TENT4B: variants seen among roughly 807,000 people sequenced by gnomAD.
The protein encoded by TENT4B is PAP associated domain containing 5.
In TENT4B, 10 loss-of-function variants were observed where a neutral mutation model predicts 75.0. The ratio of observed to expected loss-of-function variants is 0.13; its 90% CI spans 0.08 to 0.23. The LOEUF is 0.23. TENT4B is among the 10% of genes least tolerant of loss of function. The pLI, the probability that TENT4B is intolerant of heterozygous loss-of-function variation, is 1.00. For synonymous variants in TENT4B, 350 were observed against 357.7 expected (o/e 0.98, Z 0.24); for missense variants, 579 against 893.8 (o/e 0.65, Z 4.49).
intron 1 of TENT4B, among the ~76,000 whole-genome samples, chr16:50,203,537 C>T (rs2030776815): frequency 6.6e-6 from 1 of 152,174 alleles, no homozygotes. Context: ...TCTTATCGAC[C>T]TATCTCTGTG....
intron 1 of TENT4B, among the ~76,000 whole-genome samples, chr16:50,170,165 G>A (rs1007814863): frequency 6.6e-5 from 10 of 151,752 alleles, no homozygotes; most frequent in African/African-American, 9.7e-5. Flanking sequence ...GATTACAGGC[G>A]CCTGCCACCA....
chr16:50,152,925 G>T (rs1199465880), upstream of TENT4B: 3 of 1,485,858 alleles, frequency 2.0e-6, no homozygotes, highest in Admixed American at 4.3e-5. Flanking sequence ...CCCACAACGC[G>T]CTCCCTGCGG....
At chr16:50,200,345 G>A (rs961690278) in intron 1 of TENT4B, among the ~76,000 whole-genome samples, 1 of 149,012 alleles carries the variant, frequency 6.7e-6, no homozygotes, top group African/African-American at 2.5e-5. Context: ...CTGCCTGGGT[G>A]ACAAAGCAAG....
intron 1 of TENT4B, among the ~76,000 whole-genome samples, chr16:50,196,466 A>G (rs2030249070): frequency 6.7e-6 from 1 of 150,304 alleles, no homozygotes; most frequent in African/African-American, 2.5e-5. Context: ...CCATATACTT[A>G]GAGTAGCTTT....
intron 1 of TENT4B, among the ~76,000 whole-genome samples, chr16:50,186,988 T>A (rs1374214474): frequency 6.6e-6 from 1 of 152,176 alleles, no homozygotes; most frequent in Admixed American, 6.5e-5. Context: ...CTTGAACTCC[T>A]GGCTTCAAGC....
Position 50,230,165 on chromosome 16 carries a change from A to T in TENT4B, c.*837A>T, listed in dbSNP as rs2032237236. On this transcript the variant is annotated 3_prime_UTR_variant, in exon 12 of 12. Transcript: ENST00000561678. ...ATGTACTTTTGTGTAAACACTGAAA[A>T]ATCTCTGGTCATCTCCGAGAATTAA... 4.1e-6 allele frequency: 4 copies of T among 984,984 alleles called. No homozygotes were observed. Among genetic ancestry groups the T allele is most frequent in the Non-Finnish European group, 4.8e-6 (4 of 829,826 alleles). 61.0% of individuals were successfully genotyped at this position (984,984 alleles called of 1,614,324 possible).
At chr16:50,155,272 G>GGTGTGGGTGTGTGTGTGT (rs1555506871) in intron 1 of TENT4B, among the ~76,000 whole-genome samples, 1 of 135,372 alleles carries the variant, frequency 7.4e-6, no homozygotes, top group Non-Finnish European at 1.6e-5. Context: ...GGGTCTCGTG[G>GGTGTGGGTGTGTGTGTGT]GTGTGTGTGT....
intron 6 of TENT4B, among the ~76,000 whole-genome samples, chr16:50,222,959 C>G (rs1383796724): frequency 6.6e-6 from 1 of 152,194 alleles, no homozygotes; most frequent in Non-Finnish European, 1.5e-5. Context: ...CCGTAAAATT[C>G]AGCCTTACAA....
rs191973366 is a variant in TENT4B at position 50,165,018 on chromosome 16, C to T, written c.638+10759C>T. Reference sequence around the variant, plus strand: ...GCAGTGAGCTAAGTTCATGCCACTGCACTCCAGCCTGGGTGACAGAGCGAG... The same window carrying T: ...GCAGTGAGCTAAGTTCATGCCACTGTACTCCAGCCTGGGTGACAGAGCGAG... On this transcript the variant is annotated intron_variant, in intron 1 of 11. Coordinates refer to ENST00000561678, the MANE Select transcript of TENT4B (RefSeq NM_001365324.3). Among the ~76,000 whole-genome samples the T allele has an allele frequency of 4.6e-5, 7 of 151,884 alleles. No individual in the cohort carries two copies. The East Asian group carries it at 7.7e-4, about 17-fold the overall frequency.
At chr16:50,197,921 A>G (rs947466232) in intron 1 of TENT4B, among the ~76,000 whole-genome samples, 5 of 152,124 alleles carry the variant, frequency 3.3e-5, no homozygotes, top group African/African-American at 1.2e-4. Flanking sequence ...CAAACTTAAA[A>G]TATGTAAGGA....
At chr16:50,200,255 G>A (rs2030548696) in intron 1 of TENT4B, among the ~76,000 whole-genome samples, 1 of 151,628 alleles carries the variant, frequency 6.6e-6, no homozygotes, top group Non-Finnish European at 1.5e-5. Context: ...AGTCCTAACT[G>A]CTTGGGAGAC....
At chr16:50,159,081 T>A (rs1280733088) in intron 1 of TENT4B, among the ~76,000 whole-genome samples, 1 of 152,178 alleles carries the variant, frequency 6.6e-6, no homozygotes, top group African/African-American at 2.4e-5. Flanking sequence ...TTCACTGCCG[T>A]AGGGCAGTAT....
rs1484819881 is a variant in TENT4B at position 50,229,447 on chromosome 16, T to G, written c.*119T>G. On this transcript the variant is annotated 3_prime_UTR_variant, in exon 12 of 12. Coordinates refer to ENST00000561678, the MANE Select transcript of TENT4B (RefSeq NM_001365324.3). ...ACTGTTCAGACGTTGACTTAGCAAC[T>G]GCGTTTTTTCCCAGCTCGCCACAGA... is the stretch of plus-strand genomic sequence containing the variant. 2 of 1,333,246 alleles carry G rather than the reference T, an allele frequency of 1.5e-6. No homozygotes were observed. Among genetic ancestry groups the G allele is most frequent in the Non-Finnish European group, 1.9e-6 (2 of 1,043,406 alleles). 82.6% of individuals were successfully genotyped at this position (1,333,246 alleles called of 1,614,324 possible).
At chr16:50,155,272 G>GGTGT (rs60683678) in intron 1 of TENT4B, among the ~76,000 whole-genome samples, 11,783 of 135,206 alleles carry the variant, frequency 0.087, 598 homozygotes, top group African/African-American at 0.11. Flanking sequence ...GGGTCTCGTG[G>GGTGT]GTGTGTGTGT....
chr16:50,195,675 T>G (rs2030185758), intron 1 of TENT4B, among the ~76,000 whole-genome samples: 1 of 152,198 alleles, frequency 6.6e-6, no homozygotes, highest in African/African-American at 2.4e-5. Context: ...GTGCAGTACT[T>G]ATGCATATCA....
intron 1 of TENT4B, among the ~76,000 whole-genome samples, chr16:50,202,237 G>C (rs2030700276): frequency 1.3e-5 from 2 of 152,166 alleles, no homozygotes; most frequent in South Asian, 2.1e-4. Context: ...CCCTTTGGTA[G>C]TTCTGTGCTT....
In TENT4B at chr16:50,225,437, TTTG is replaced by T. The variant is rs200539533; in HGVS notation, c.1800+155_1800+157del. On this transcript the variant is annotated intron_variant, in intron 10 of 11. Transcript: ENST00000561678. ...TCATGCTTGTACATTTTCTCAACAT[TTTG>T]TTATGAAAAAGTTCAAGCATATAGT... Among the ~76,000 whole-genome samples, 650 of 152,326 alleles carry T rather than the reference TTTG, an allele frequency of 4.3e-3. 4 individuals are homozygous for T. The highest frequency in any genetic ancestry group is 0.015 in the African/African-American group (624 of 41,566).
chr16:50,202,688 T>C (rs1347981142), intron 1 of TENT4B, among the ~76,000 whole-genome samples: 2 of 152,170 alleles, frequency 1.3e-5, no homozygotes, highest in African/African-American at 4.8e-5. Flanking sequence ...AGAAATTTTA[T>C]TGGAAGGGGA....
chr16:50,174,402 G>T (rs1255631951), intron 1 of TENT4B, among the ~76,000 whole-genome samples: 1 of 151,944 alleles, frequency 6.6e-6, no homozygotes, highest in Non-Finnish European at 1.5e-5. Flanking sequence ...CCGGCTTATT[G>T]TTAAGTTTTA....
Sources: allele counts gnomAD v4.1 joint callset (sites outside exome capture counted in the v4.1 genomes callset), GRCh38; gene constraint gnomAD v4.1.1; transcripts MANE v1.5; gene names NCBI Gene and HGNC (gene_info 2026-07-23, HGNC 2026-07-21).